The following PPM1L variants were observed in gnomAD, a reference collection of about 807,000 sequenced individuals.
The protein encoded by PPM1L is protein phosphatase 1L.
Under a neutral mutation model 31.4 loss-of-function variants are expected in PPM1L, and 13 were observed. The observed-to-expected ratio is 0.41, with a 90% CI of 0.27 to 0.66. The LOEUF (loss-of-function observed/expected upper bound fraction) is 0.66, where lower values mean the gene tolerates loss of function less well. Ranked by LOEUF, PPM1L falls within the 30% of genes least tolerant of loss-of-function variation. PPM1L has a pLI of 0.29. For synonymous variants in PPM1L, 184 were observed against 175.4 expected (o/e 1.05, Z -0.39); for missense variants, 326 against 453.7 (o/e 0.72, Z 2.56).
At chr3:161,067,324 T>C (rs1036844817) in intron 3 of PPM1L, among the ~76,000 whole-genome samples, 1 of 152,220 alleles carries the variant, frequency 6.6e-6, no homozygotes, top group African/African-American at 2.4e-5. Flanking sequence ...TCTGTTCTTT[T>C]ACATAATTTG....
At chr3:160,861,209 A>G (rs987162893) in intron 1 of PPM1L, among the ~76,000 whole-genome samples, 3 of 152,192 alleles carry the variant, frequency 2.0e-5, no homozygotes, top group African/African-American at 7.2e-5. Context: ...TGTGGCATTA[A>G]CCCAAAGAGT....
At chr3:160,766,250 A>T (rs1019699113) in intron 1 of PPM1L, among the ~76,000 whole-genome samples, 1 of 152,032 alleles carries the variant, frequency 6.6e-6, no homozygotes, top group Admixed American at 6.6e-5. Flanking sequence ...GTTGAAGTCT[A>T]TGCTATGAAA....
chr3:160,807,513 T>C (rs1242548468), intron 1 of PPM1L, among the ~76,000 whole-genome samples: 1 of 152,204 alleles, frequency 6.6e-6, no homozygotes, highest in African/African-American at 2.4e-5. Context: ...CTTTCTTCCA[T>C]ATTCTTCTTT....
chr3:160,888,534 G>A (rs1713016186), intron 1 of PPM1L, among the ~76,000 whole-genome samples: 1 of 152,172 alleles, frequency 6.6e-6, no homozygotes, highest in Admixed American at 6.5e-5. Flanking sequence ...CATAAAACAA[G>A]TTCTTAGAGA....
chr3:161,045,928 A>G (rs894347792), intron 2 of PPM1L, among the ~76,000 whole-genome samples: 2 of 151,760 alleles, frequency 1.3e-5, no homozygotes, highest in African/African-American at 4.8e-5. Flanking sequence ...TGGCTAACAC[A>G]GTGAAACCGT....
intron 1 of PPM1L, among the ~76,000 whole-genome samples, chr3:160,906,039 TC>T (rs1165952853): frequency 1.3e-5 from 2 of 152,126 alleles, no homozygotes; most frequent in Non-Finnish European, 2.9e-5. Context: ...TAGTTTTCTT[TC>T]TTTCTATTTC....
At chr3:160,850,884 T>TTG (rs547753797) in intron 1 of PPM1L, among the ~76,000 whole-genome samples, 2 of 137,632 alleles carry the variant, frequency 1.5e-5, no homozygotes, top group East Asian at 4.7e-4. Flanking sequence ...TTTTTTTTGG[T>TTG]GGGGGGGGGG....
intron 2 of PPM1L, among the ~76,000 whole-genome samples, chr3:161,041,815 A>G (rs1298582722): frequency 6.6e-6 from 1 of 152,184 alleles, no homozygotes; most frequent in Non-Finnish European, 1.5e-5. Flanking sequence ...ATCTCTATTA[A>G]TACTTAGAAT....
intron 1 of PPM1L, among the ~76,000 whole-genome samples, chr3:160,898,804 C>T (rs1431347080): frequency 1.3e-5 from 2 of 152,128 alleles, no homozygotes; most frequent in Non-Finnish European, 2.9e-5. Context: ...CCCTGCTCAA[C>T]GTTTTATGTT....
intron 1 of PPM1L, among the ~76,000 whole-genome samples, chr3:160,817,638 T>G (rs2108088917): frequency 6.6e-6 from 1 of 152,180 alleles, no homozygotes; most frequent in East Asian, 1.9e-4. Context: ...GCAGGTCATG[T>G]CCTAATTTTG....
chr3:160,914,249 T>C (rs1714076553), intron 1 of PPM1L, among the ~76,000 whole-genome samples: 1 of 152,202 alleles, frequency 6.6e-6, no homozygotes, highest in African/African-American at 2.4e-5. Flanking sequence ...CTTTGATTTT[T>C]TTTACTGTGT....
rs1719920867 is a variant in PPM1L, at chr3:161,071,599, C to G, written c.*2442C>G. 6.6e-6 allele frequency: 1 copy of G among 152,204 alleles called. No homozygotes were observed. Among genetic ancestry groups the G allele is most frequent in the Non-Finnish European group, 1.5e-5 (1 of 68,042 alleles). 9.4% of individuals were successfully genotyped at this position (152,204 alleles called of 1,614,324 possible). A position where few individuals can be genotyped will look rare whatever the true frequency, so the allele number is the denominator to read the frequency against. On this transcript the variant is annotated 3_prime_UTR_variant, in exon 4 of 4. Transcript: ENST00000498165. ...TACTCCCATTACTGCCTCTTTCCCC[C>G]CTACTATGGCTTGTAGATTTTCAAA... is the stretch of plus-strand genomic sequence containing the variant.
intron 2 of PPM1L, among the ~76,000 whole-genome samples, chr3:161,002,087 G>A (rs894404215): frequency 6.6e-6 from 1 of 151,128 alleles, no homozygotes; most frequent in Non-Finnish European, 1.5e-5. Context: ...AATATGCGGT[G>A]TTTGGTTTTG....
In PPM1L at chr3:160,842,241, C is replaced by A. The variant is rs901857078; in HGVS notation, c.399+85534C>A. 89 of 702,160 alleles carry A rather than the reference C, an allele frequency of 1.3e-4. No homozygotes were observed. The African/African-American group carries it at 1.3e-3, about 10-fold the overall frequency. 43.5% of individuals were successfully genotyped at this position (702,160 alleles called of 1,614,324 possible). A position where few individuals can be genotyped will look rare whatever the true frequency, so the allele number is the denominator to read the frequency against. On this transcript the variant is annotated intron_variant, in intron 1 of 3. Transcript: ENST00000498165. Reference sequence around the variant, plus strand: ...CAGGTGGAAGAGGGTAGGAGGGATGCTGGTGCCATTAGCAGAGAGGGCTAG... The same window carrying A: ...CAGGTGGAAGAGGGTAGGAGGGATGATGGTGCCATTAGCAGAGAGGGCTAG...
chr3:161,051,084 T>C (rs1719260290), intron 2 of PPM1L, among the ~76,000 whole-genome samples: 1 of 152,130 alleles, frequency 6.6e-6, no homozygotes, highest in Admixed American at 6.6e-5. Context: ...AGTTGAGGTC[T>C]CACTTCCTCC....
rs575840333 is a variant in PPM1L at position 160,969,319 on chromosome 3, T to G, written c.574+7409T>G. 3.9e-5 allele frequency among the ~76,000 whole-genome samples: 6 copies of G among 152,334 alleles called. No individual in the cohort carries two copies. The East Asian group carries it at 1.2e-3, about 29-fold the overall frequency. On this transcript the variant is annotated intron_variant, in intron 2 of 3. Transcript: ENST00000498165. ...CTTAGGAAGTAGCTGGAGGGTTACC[T>G]CCTATTGAGCTGATTTTATTCTTCT...
At chr3:160,765,120 A>G (rs368420918) in intron 1 of PPM1L, among the ~76,000 whole-genome samples, 1 of 152,332 alleles carries the variant, frequency 6.6e-6, no homozygotes, top group South Asian at 2.1e-4. Context: ...TTTAATTCTG[A>G]TAAGAGTTTA....
chr3:160,930,262 TA>T (rs546483305), intron 1 of PPM1L, among the ~76,000 whole-genome samples: 190 of 145,124 alleles, frequency 1.3e-3, no homozygotes, highest in Middle Eastern at 3.6e-3. Flanking sequence ...AGCAGTCCCT[TA>T]AAAAAAAAAA....
intron 1 of PPM1L, among the ~76,000 whole-genome samples, chr3:160,757,283 T>A (rs550208020): frequency 4.3e-4 from 66 of 152,318 alleles, no homozygotes; most frequent in Admixed American, 4.6e-4. Flanking sequence ...ACAAGTGCAA[T>A]CGGGCCAATT....
Sources: gnomAD v4.1 joint callset for allele counts (sites outside exome capture counted in the v4.1 genomes callset) on GRCh38, gnomAD v4.1.1 for gene constraint, MANE v1.5 for transcripts, NCBI Gene and HGNC (gene_info 2026-07-23, HGNC 2026-07-21) for gene names.